PCDHB14: variants seen among roughly 807,000 people sequenced by gnomAD.
The protein encoded by PCDHB14 is protocadherin beta 14, also known as protocadherin beta-14.
For missense variants in PCDHB14, 1,129 were observed against 1,000.5 expected, an observed-to-expected ratio of 1.13 and a Z score of -1.73; for synonymous variants, 511 against 441.5, an observed-to-expected ratio of 1.16 and a Z score of -1.97.
In PCDHB14 at chr5:141,224,354, T is replaced by A. The variant is rs782443965; in HGVS notation, c.849T>A (p.His283Gln). ...NYGKISYTFF[H>Q]ASEDIRKTFE... ...GAAAAATATCTTACACATTTTTCCA[T>A]GCATCAGAAGATATTCGTAAAACAT... The change falls in exon 1 of 1, where the codon CAT becomes CAA. Residue 283 changes from histidine (H) to glutamine (Q), a missense_variant. Transcript: ENST00000239449. 8 of 1,611,858 alleles carry A rather than the reference T, an allele frequency of 5.0e-6. No homozygotes were observed. Among genetic ancestry groups the A allele is most frequent in the Middle Eastern group, 1.7e-4 (1 of 6,040 alleles).
In PCDHB14 at chr5:141,225,844, GTA is replaced by G. The variant is rs2149686794; in HGVS notation, c.2340_2341del (p.Arg781GlufsTer11). 3 of 1,614,244 alleles carry G rather than the reference GTA, an allele frequency of 1.9e-6. No individual in the cohort carries two copies. In the East Asian group the frequency reaches 6.7e-5, roughly 36 times the overall value. ...CCCAATTTTCAAGTTCATGACACTG[GTA>G]GGAATATGGGGGAAATCGAGAACTT... is the stretch of plus-strand genomic sequence containing the variant. On this transcript the variant is annotated frameshift_variant, in exon 1 of 1. Transcript: ENST00000239449. LOFTEE classifies it low-confidence loss of function (END_TRUNC).
In PCDHB14 at chr5:141,225,184, T is replaced by C; in HGVS notation, c.1679T>C (p.Phe560Ser). Residue 560 changes from phenylalanine to serine, a missense_variant, in exon 1 of 1, where the codon TTC (phenylalanine) becomes TCC (serine). Physicochemically the swap from Phe to Ser is radical, Grantham distance 155. Coordinates refer to ENST00000239449, the MANE Select transcript of PCDHB14 (RefSeq NM_018934.4). ...CTGGACGCCAACGACAACTCGCCCT[T>C]CGTGCTGTACCCGCTGCAGAACGGC... ...LVLDANDNSP[F>S]VLYPLQNGSA... The C allele has an allele frequency of 6.2e-7, 1 of 1,610,104 alleles. No individual in the cohort carries two copies. Among genetic ancestry groups the C allele is most frequent in the Non-Finnish European group, 8.5e-7 (1 of 1,179,488 alleles).
chr5:141,224,507 A>C lies in PCDHB14; in HGVS notation c.1002A>C (p.Leu334=). ...GTCTTTCAGGAAAATGCACCCTTCT[A>C]GTTAAAGTTATGGATATAAACGACA... ...GGGLSGKCTL[L]VKVMDINDNP... The change falls in exon 1 of 1, where the codon CTA becomes CTC. Residue 334 remains leucine, a synonymous_variant. Transcript: ENST00000239449. 1 of 1,613,592 alleles carries C rather than the reference A, an allele frequency of 6.2e-7. No individual in the cohort carries two copies. Among genetic ancestry groups the C allele is most frequent in the East Asian group, 2.2e-5 (1 of 44,872 alleles).
In PCDHB14 at chr5:141,225,147, C is replaced by A. The variant is rs150404611; in HGVS notation, c.1642C>A (p.Arg548Ser). The A allele has an allele frequency of 3.7e-6, 6 of 1,611,468 alleles. No homozygotes were observed. The highest frequency in any genetic ancestry group is 5.1e-6 in the Non-Finnish European group (6 of 1,179,744). The change falls in exon 1 of 1, where the codon CGC becomes AGC. Residue 548 changes from arginine to serine, a missense_variant. Coordinates refer to ENST00000239449, the MANE Select transcript of PCDHB14 (RefSeq NM_018934.4). ...SPALSSEALV[R>S]VLVLDANDNS... ...GGCGTTGAGCAGCGAGGCGCTGGTG[C>A]GCGTGCTGGTGCTGGACGCCAACGA... is the stretch of plus-strand genomic sequence containing the variant.
At position 141,225,038 on chromosome 5, in the gene PCDHB14, C is replaced by T. The variant is rs781998657; in HGVS notation, c.1533C>T (p.Gly511=). The change falls in exon 1 of 1, where the codon GGC becomes GGT. Residue 511 remains glycine (G), a synonymous_variant. Transcript: ENST00000239449. ...ASLVSINADN[G]HLFALRSLDY... ...TGGTCTCCATCAACGCGGACAATGGCCACCTGTTTGCCCTCAGGTCGCTGG... is the reference window on the plus strand; with the variant it reads ...TGGTCTCCATCAACGCGGACAATGGTCACCTGTTTGCCCTCAGGTCGCTGG... 6.8e-6 allele frequency: 11 copies of T among 1,612,480 alleles called. No homozygotes were observed. Among genetic ancestry groups the T allele is most frequent in the Middle Eastern group, 2.1e-4 (1 of 4,786 alleles).
chr5:141,225,069 G>T lies in PCDHB14; in HGVS notation c.1564G>T (p.Glu522Ter). Residue 522 changes from glutamate to a stop codon, truncating the protein, a stop_gained, in exon 1 of 1, where the codon GAG (glutamate) becomes TAG (stop). Coordinates refer to ENST00000239449, the MANE Select transcript of PCDHB14 (RefSeq NM_018934.4). LOFTEE classifies it low-confidence loss of function (END_TRUNC). ...GTTTGCCCTCAGGTCGCTGGACTAC[G>T]AGGCCCTACAGGAGTTCGAGTTTCG... ...HLFALRSLDY[E>*]ALQEFEFRVG... 6.2e-7 allele frequency: 1 copy of T among 1,612,418 alleles called. No homozygotes were observed. The highest frequency in any genetic ancestry group is 1.1e-5 in the South Asian group (1 of 90,988).
chr5:141,225,429 G>A lies in PCDHB14; in HGVS notation c.1924G>A (p.Val642Met). ...CGACGCGGCCAAGCACAGGCTGGTG[G>A]TGCTGGTCAAGGACAATGGCGAGCC... The part of the protein sequence containing the change: ...ERDAAKHRLV[V>M]LVKDNGEPPR... Residue 642 changes from valine to methionine, a missense_variant, in exon 1 of 1, where the codon GTG becomes ATG. Coordinates refer to ENST00000239449, the MANE Select transcript of PCDHB14 (RefSeq NM_018934.4). 1.9e-6 allele frequency: 3 copies of A among 1,604,458 alleles called. No individual in the cohort carries two copies. Among genetic ancestry groups the A allele is most frequent in the Non-Finnish European group, 2.5e-6 (3 of 1,179,374 alleles).
In PCDHB14 at chr5:141,224,127, C is replaced by T; in HGVS notation, c.622C>T (p.Leu208Phe). 4 of 1,614,104 alleles carry T rather than the reference C, an allele frequency of 2.5e-6. No homozygotes were observed. Among genetic ancestry groups the T allele is most frequent in the Non-Finnish European group, 3.4e-6 (4 of 1,180,030 alleles). ...TTTAGATTATGAACAGGAAGCTGAA[C>T]TCAGATTAACACTCACAGCAGTGGA... Reference protein sequence around the residue: ...RALDYEQEAELRLTLTAVDGG... With the variant: ...RALDYEQEAEFRLTLTAVDGG... Residue 208 changes from leucine to phenylalanine, a missense_variant, in exon 1 of 1, where the codon CTC (leucine) becomes TTC (phenylalanine). Coordinates refer to ENST00000239449, the MANE Select transcript of PCDHB14 (RefSeq NM_018934.4).
chr5:141,226,620 T>C lies in PCDHB14; in HGVS notation c.*718T>C, dbSNP rs1268054708. ...TCTCATTCCATTGACCTGGCTGGAA[T>C]GCAGTGGCACCATCATGGCTCACTG... On this transcript the variant is annotated 3_prime_UTR_variant, in exon 1 of 1. Coordinates refer to ENST00000239449, the MANE Select transcript of PCDHB14 (RefSeq NM_018934.4). 8 of 152,260 alleles carry C rather than the reference T, an allele frequency of 5.3e-5. No homozygotes were observed. Among genetic ancestry groups the C allele is most frequent in the African/African-American group, 1.7e-4 (7 of 41,460 alleles). 9.4% of individuals were successfully genotyped at this position (152,260 alleles called of 1,614,324 possible). A position where few individuals can be genotyped will look rare whatever the true frequency, so the allele number is the denominator to read the frequency against.
Position 141,224,193 on chromosome 5 carries a change from A to T in PCDHB14, c.688A>T (p.Ile230Phe). 1 of 1,613,268 alleles carries T rather than the reference A, an allele frequency of 6.2e-7. No individual in the cohort carries two copies. Among genetic ancestry groups the T allele is most frequent in the Non-Finnish European group, 8.5e-7 (1 of 1,179,296 alleles). The change falls in exon 1 of 1, where the codon ATC (isoleucine) becomes TTC (phenylalanine). Residue 230 changes from isoleucine to phenylalanine, a missense_variant. By Grantham distance (21) the Ile-to-Phe change is conservative (BLOSUM62 0). Coordinates refer to ENST00000239449, the MANE Select transcript of PCDHB14 (RefSeq NM_018934.4). ...CAAGTCTGGGACAACTTTGGTTCTC[A>T]TCAAGGTGTTGGACATCAATGATAA... ...PPKSGTTLVLIKVLDINDNAP... is the reference protein window; with the variant it reads ...PPKSGTTLVLFKVLDINDNAP...
At position 141,224,903 on chromosome 5, in the gene PCDHB14, C is replaced by T. The variant is rs149933809; in HGVS notation, c.1398C>T (p.Pro466=). The T allele has an allele frequency of 4.4e-3, 7,100 of 1,613,188 alleles. 37 individuals are homozygous for T. Among genetic ancestry groups the T allele is most frequent in the Middle Eastern group, 5.7e-3 (30 of 5,250 alleles). The part of the protein sequence containing the change: ...YTLFVRENNS[P]ALHIGSVSAT... ...TGTTCGTCCGCGAGAACAACAGCCC[C>T]GCCCTGCACATCGGCAGCGTCAGCG... Residue 466 remains proline (P), a synonymous_variant, in exon 1 of 1, where the codon CCC becomes CCT. Coordinates refer to ENST00000239449, the MANE Select transcript of PCDHB14 (RefSeq NM_018934.4).
Position 141,224,891 on chromosome 5 carries a change from G to T in PCDHB14, c.1386G>T (p.Glu462Asp). 6.2e-7 allele frequency: 1 copy of T among 1,613,342 alleles called. No individual in the cohort carries two copies. Among genetic ancestry groups the T allele is most frequent in the Non-Finnish European group, 8.5e-7 (1 of 1,180,040 alleles). ...TQTSYTLFVRENNSPALHIGS... is the reference protein window; with the variant it reads ...TQTSYTLFVRDNNSPALHIGS... ...CCTCCTACACCCTGTTCGTCCGCGA[G>T]AACAACAGCCCCGCCCTGCACATCG... The change falls in exon 1 of 1, where the codon GAG (glutamate) becomes GAT (aspartate). Residue 462 changes from glutamate to aspartate, a missense_variant. Glu to Asp is a conservative substitution (Grantham distance 45). Transcript: ENST00000239449.
At position 141,227,192 on chromosome 5, in the gene PCDHB14, C is replaced by T. The variant is rs1031245866; in HGVS notation, c.*1290C>T. 1 of 152,246 alleles carries T rather than the reference C, an allele frequency of 6.6e-6. No homozygotes were observed. Among genetic ancestry groups the T allele is most frequent in the Admixed American group, 6.5e-5 (1 of 15,292 alleles). 9.4% of individuals were successfully genotyped at this position (152,246 alleles called of 1,614,324 possible). On this transcript the variant is annotated 3_prime_UTR_variant, in exon 1 of 1. Transcript: ENST00000239449. ...AATTTTGTGTTGTTTATTACTAAAG[C>T]AGAAAATAATTTAGGGTCTTATCCT...
rs1554289153 is a variant in PCDHB14, at chr5:141,224,353, A to T, written c.848A>T (p.His283Leu). 1 of 1,611,018 alleles carries T rather than the reference A, an allele frequency of 6.2e-7. No individual in the cohort carries two copies. The highest frequency in any genetic ancestry group is 1.3e-5 in the African/African-American group (1 of 74,670). ...NYGKISYTFFHASEDIRKTFE... is the reference protein window; with the variant it reads ...NYGKISYTFFLASEDIRKTFE... ...GGAAAAATATCTTACACATTTTTCC[A>T]TGCATCAGAAGATATTCGTAAAACA... The change falls in exon 1 of 1, where the codon CAT becomes CTT. Residue 283 changes from histidine (H) to leucine (L), a missense_variant. Transcript: ENST00000239449.
rs782630878 is a variant in PCDHB14, at chr5:141,224,134, T to A, written c.629T>A (p.Leu210Ter). 1.2e-6 allele frequency: 2 copies of A among 1,613,956 alleles called. No individual in the cohort carries two copies. Among genetic ancestry groups the A allele is most frequent in the African/African-American group, 2.7e-5 (2 of 74,918 alleles). ...TATGAACAGGAAGCTGAACTCAGATTAACACTCACAGCAGTGGATGGTGGA... is the reference window on the plus strand; with the variant it reads ...TATGAACAGGAAGCTGAACTCAGATAAACACTCACAGCAGTGGATGGTGGA... The part of the protein sequence containing the change: ...LDYEQEAELR[L>*]TLTAVDGGSP... Residue 210 changes from leucine to a stop codon, truncating the protein, a stop_gained, in exon 1 of 1, where the codon TTA becomes TAA. Transcript: ENST00000239449. LOFTEE classifies it low-confidence loss of function (END_TRUNC).
chr5:141,224,096 T>C lies in PCDHB14; in HGVS notation c.591T>C (p.Asp197=), dbSNP rs1754778311. Reference sequence around the variant, plus strand: ...AGATATACCCAGAGCTGGTCCTAGATAGAGCTTTAGATTATGAACAGGAAG... The same window carrying C: ...AGATATACCCAGAGCTGGTCCTAGACAGAGCTTTAGATTATGAACAGGAAG... ...DRKIYPELVL[D]RALDYEQEAE... The change falls in exon 1 of 1, where the codon GAT becomes GAC. Residue 197 remains aspartate (D), a synonymous_variant. Coordinates refer to ENST00000239449, the MANE Select transcript of PCDHB14 (RefSeq NM_018934.4). 4 of 1,613,922 alleles carry C rather than the reference T, an allele frequency of 2.5e-6. No homozygotes were observed. The highest frequency in any genetic ancestry group is 2.7e-5 in the African/African-American group (2 of 74,916).
rs1452269985 is a variant in PCDHB14, at chr5:141,225,648, A to G, written c.2143A>G (p.Arg715Gly). 1 of 1,613,380 alleles carries G rather than the reference A, an allele frequency of 6.2e-7. No individual in the cohort carries two copies. The highest frequency in any genetic ancestry group is 2.2e-5 in the East Asian group (1 of 44,846). The change falls in exon 1 of 1, where the codon AGG becomes GGG. Residue 715 changes from arginine to glycine, a missense_variant. Transcript: ENST00000239449. Reference protein sequence around the residue: ...VLLFVAVRLCRRSRAASVGRC... With the variant: ...VLLFVAVRLCGRSRAASVGRC... The stretch of plus-strand genomic sequence containing the variant: ...CCTGTTCGTGGCGGTGCGGCTGTGC[A>G]GGAGGAGCAGGGCGGCCTCGGTGGG...
In PCDHB14 at chr5:141,226,279, C is replaced by A. The variant is rs1754859519; in HGVS notation, c.*377C>A. 1 of 179,862 alleles carries A rather than the reference C, an allele frequency of 5.6e-6. No homozygotes were observed. Among genetic ancestry groups the A allele is most frequent in the South Asian group, 1.7e-4 (1 of 5,968 alleles). The allele number at this position is 179,862 out of a possible 1,614,324, so 11.1% of individuals were successfully genotyped here. On this transcript the variant is annotated 3_prime_UTR_variant, in exon 1 of 1. Coordinates refer to ENST00000239449, the MANE Select transcript of PCDHB14 (RefSeq NM_018934.4). ...CAAAGCATAAAATAAAAATAAAAAG[C>A]GTTGCTGAATCTGGGTCGAAAATGT...
chr5:141,224,098 G>C lies in PCDHB14; in HGVS notation c.593G>C (p.Arg198Thr), dbSNP rs1554289087. 1 of 1,613,998 alleles carries C rather than the reference G, an allele frequency of 6.2e-7. No individual in the cohort carries two copies. The highest frequency in any genetic ancestry group is 1.7e-5 in the Admixed American group (1 of 60,022). The change falls in exon 1 of 1, where the codon AGA (arginine) becomes ACA (threonine). Residue 198 changes from arginine to threonine, a missense_variant. By Grantham distance (71) the Arg-to-Thr change is moderately conservative (BLOSUM62 -1). Coordinates refer to ENST00000239449, the MANE Select transcript of PCDHB14 (RefSeq NM_018934.4). ...ATATACCCAGAGCTGGTCCTAGATA[G>C]AGCTTTAGATTATGAACAGGAAGCT... ...RKIYPELVLDRALDYEQEAEL... is the reference protein window; with the variant it reads ...RKIYPELVLDTALDYEQEAEL...
Sources: allele counts gnomAD v4.1 joint callset, GRCh38; gene constraint gnomAD v4.1.1; transcripts MANE v1.5; gene names NCBI Gene and HGNC (gene_info 2026-07-23, HGNC 2026-07-21).